SLC24A2: variants seen among roughly 807,000 people sequenced by gnomAD.
SLC24A2 encodes the protein solute carrier family 24 member 2, also known as sodium/potassium/calcium exchanger 2.
Under a neutral mutation model 62.0 loss-of-function variants are expected in SLC24A2, and 36 were observed. The observed-to-expected ratio is 0.58, with a 90% confidence interval of 0.44 to 0.77. SLC24A2 has a LOEUF of 0.77. Ranked by LOEUF, SLC24A2 falls within the 30% of genes least tolerant of loss-of-function variation. SLC24A2 has a pLI of 0.00. For missense variants in SLC24A2, 846 were observed against 817.9 expected (o/e 1.03, Z -0.42); for synonymous variants, 358 against 294.0 (o/e 1.22, Z -2.23).
the SLC24A2 span, among the ~76,000 whole-genome samples, chr9:19,895,503 A>G: frequency 6.6e-6 from 1 of 150,376 alleles, no homozygotes; most frequent in African/African-American, 2.5e-5. Context: ...GATGAAAGTG[A>G]TATCTAACAC....
At chr9:20,072,673 G>C in the SLC24A2 span, among the ~76,000 whole-genome samples, 2 of 151,992 alleles carry the variant, frequency 1.3e-5, no homozygotes, top group South Asian at 2.1e-4. Context: ...ATCTTTTTAA[G>C]AGAGATGCAG....
At chr9:20,085,080 C>G in the SLC24A2 span, among the ~76,000 whole-genome samples, 1 of 152,202 alleles carries the variant, frequency 6.6e-6, no homozygotes, top group Non-Finnish European at 1.5e-5. Context: ...ACTGCAGCCT[C>G]AACCTCCTGG....
chr9:19,553,614 T>C (rs1181423751), intron 7 of SLC24A2, among the ~76,000 whole-genome samples: 1 of 152,140 alleles, frequency 6.6e-6, no homozygotes, highest in South Asian at 2.1e-4. Flanking sequence ...AAAGAGTCAG[T>C]GCAGCATGCT....
chr9:19,916,685 T>C, the SLC24A2 span, among the ~76,000 whole-genome samples: 1 of 151,988 alleles, frequency 6.6e-6, no homozygotes, highest in Non-Finnish European at 1.5e-5. Context: ...TCCTGGAAAA[T>C]GTCATTTTTA....
the SLC24A2 span, among the ~76,000 whole-genome samples, chr9:20,071,225 A>G: frequency 1.3e-5 from 2 of 151,948 alleles, no homozygotes; most frequent in African/African-American, 4.8e-5. Flanking sequence ...ACCCAGTCTC[A>G]GGTAGTTTTT....
the SLC24A2 span, among the ~76,000 whole-genome samples, chr9:19,970,129 C>T: frequency 6.6e-6 from 1 of 152,182 alleles, no homozygotes; most frequent in Non-Finnish European, 1.5e-5. Context: ...TCACTGCCCC[C>T]ATCACCCCTC....
At chr9:20,092,345 C>T in the SLC24A2 span, among the ~76,000 whole-genome samples, 1 of 152,110 alleles carries the variant, frequency 6.6e-6, no homozygotes, top group African/African-American at 2.4e-5. Flanking sequence ...AAGCTTGGCC[C>T]AACTGTGGTT....
intron 2 of SLC24A2, among the ~76,000 whole-genome samples, chr9:19,735,913 G>A (rs912138376): frequency 3.9e-5 from 6 of 152,026 alleles, no homozygotes; most frequent in Admixed American, 2.6e-4. Context: ...TGTAAATGAC[G>A]AGTTAATGAG....
At chr9:19,846,077 G>A in the SLC24A2 span, among the ~76,000 whole-genome samples, 1 of 152,114 alleles carries the variant, frequency 6.6e-6, no homozygotes, top group African/African-American at 2.4e-5. Context: ...TGTTTGATAG[G>A]TGGAGTATTC....
At chr9:19,986,013 T>A in the SLC24A2 span, among the ~76,000 whole-genome samples, 1 of 152,156 alleles carries the variant, frequency 6.6e-6, no homozygotes, top group East Asian at 1.9e-4. Context: ...AGAAAATATT[T>A]GTAAATCATA....
chr9:20,030,341 A>G, the SLC24A2 span, among the ~76,000 whole-genome samples: 1 of 152,352 alleles, frequency 6.6e-6, no homozygotes, highest in South Asian at 2.1e-4. Context: ...ATCGCTACCT[A>G]AAGGGTATAC....
the SLC24A2 span, among the ~76,000 whole-genome samples, chr9:19,997,995 G>T: frequency 2.0e-5 from 3 of 151,708 alleles, no homozygotes; most frequent in South Asian, 2.1e-4. Context: ...TTATATTTTT[G>T]GGAAAAAAGC....
the SLC24A2 span, among the ~76,000 whole-genome samples, chr9:20,017,132 T>A: frequency 2.6e-5 from 4 of 152,132 alleles, no homozygotes; most frequent in African/African-American, 9.7e-5. Context: ...AAGCAATTTG[T>A]GTGCCTCAGC....
the SLC24A2 span, among the ~76,000 whole-genome samples, chr9:20,212,883 G>A: frequency 5.3e-5 from 8 of 151,596 alleles, no homozygotes; most frequent in African/African-American, 2.0e-4. Context: ...TGACCACACC[G>A]TTTAAAAAAT....
At chr9:20,071,737 A>T in the SLC24A2 span, among the ~76,000 whole-genome samples, 5 of 152,156 alleles carry the variant, frequency 3.3e-5, no homozygotes, top group African/African-American at 1.2e-4. Flanking sequence ...CTATCTCTGG[A>T]TAGACAGTTT....
chr9:19,787,672 G>C (rs905994604), intron 1 of SLC24A2, among the ~76,000 whole-genome samples: 1 of 150,808 alleles, frequency 6.6e-6, no homozygotes, highest in African/African-American at 2.4e-5. Context: ...AAAAAATTCT[G>C]GTGACATGCA....
At chr9:19,709,020 A>T (rs576745983) in intron 2 of SLC24A2, among the ~76,000 whole-genome samples, 2 of 152,330 alleles carry the variant, frequency 1.3e-5, no homozygotes, top group Non-Finnish European at 2.9e-5. Context: ...ACAAAGGGCT[A>T]ATATCCAGAA....
chr9:19,949,352 C>A, the SLC24A2 span, among the ~76,000 whole-genome samples: 71,460 of 151,872 alleles, frequency 0.47, 17,258 homozygotes, highest in Non-Finnish European at 0.51. Flanking sequence ...GACAGTGGTG[C>A]AACGATTTTT....
intron 2 of SLC24A2, among the ~76,000 whole-genome samples, chr9:19,766,767 GGGT>G (rs1448051736): frequency 2.0e-5 from 3 of 152,338 alleles, no homozygotes; most frequent in South Asian, 4.1e-4. Context: ...GAAGGCATGA[GGGT>G]CAGCGACCCA....
Sources: gnomAD v4.1 joint callset for allele counts (sites outside exome capture counted in the v4.1 genomes callset) on GRCh38, gnomAD v4.1.1 for gene constraint, MANE v1.5 for transcripts, NCBI Gene and HGNC (gene_info 2026-07-23, HGNC 2026-07-21) for gene names.